Variants in CYB561 observed in about 807,000 individuals in gnomAD.
CYB561 encodes transmembrane ascorbate-dependent reductase CYB561.
In CYB561, 11 loss-of-function variants were observed where a neutral mutation model predicts 25.3. The ratio of observed to expected loss-of-function variants is 0.44; its 90% CI spans 0.27 to 0.72. The LOEUF (loss-of-function observed/expected upper bound fraction) is 0.72. Among genes scored for constraint, CYB561 ranks in the 30% least tolerant of loss-of-function variants. The probability of loss-of-function intolerance (pLI) is 0.18; values close to 1 mark genes in which losing one functional copy is unlikely to be tolerated. For synonymous variants in CYB561, 165 were observed against 158.8 expected, an observed-to-expected ratio of 1.04 and a Z score of -0.29; for missense variants, 295 against 334.9, an observed-to-expected ratio of 0.88 and a Z score of 0.93.
chr17:63,435,420 C>T, intron 4 of CYB561, 177 bp from the exon 5 acceptor site: 1 of 711,580 alleles, frequency 1.4e-6, no homozygotes. Flanking sequence ...GGACAAGGGA[C>T]CGGTCCCCCA....
chr17:63,444,551 AGGTTTG>A (rs1462811633), intron 1 of CYB561, among the ~76,000 whole-genome samples: 1 of 152,122 alleles, frequency 6.6e-6, no homozygotes, highest in South Asian at 2.1e-4. Flanking sequence ...CTGACACATG[AGGTTTG>A]GGGCCACAGA....
intron 1 of CYB561, among the ~76,000 whole-genome samples, chr17:63,438,483 C>G (rs62075017): frequency 6.6e-6 from 1 of 151,148 alleles, no homozygotes; most frequent in Non-Finnish European, 1.5e-5. Flanking sequence ...CCCCGCTCCC[C>G]GCCCGGCCGC....
intron 1 of CYB561, chr17:63,442,772 C>T (rs1159556935): frequency 6.6e-6 from 1 of 152,270 alleles, no homozygotes; most frequent in African/African-American, 2.4e-5. Context: ...ACTCACCCTA[C>T]CTGCAGCCAG....
intron 4 of CYB561, 30 bp downstream of exon 4, chr17:63,435,658 C>T: frequency 1.3e-6 from 2 of 1,581,214 alleles, no homozygotes; most frequent in Non-Finnish European, 1.7e-6. Context: ...TGGTAGGTGG[C>T]CCCAGGCCCG....
Position 63,437,440 on chromosome 17 carries a change from C to T in CYB561, c.108G>A (p.Gly36=). ...TLVAMTGAWL[G]LYRGGIAWES... The stretch of plus-strand genomic sequence containing the variant: ...CCCAGGCAATGCCGCCTCGGTACAG[C>T]CCGAGCCACGCGCCGGTCATGGCCA... The change falls in exon 2 of 6, where the codon GGG becomes GGA. Residue 36 remains glycine (G), a synonymous_variant. Coordinates refer to ENST00000360793, the MANE Select transcript of CYB561 (RefSeq NM_001915.4). 1 of 1,614,008 alleles carries T rather than the reference C, an allele frequency of 6.2e-7. No homozygotes were observed. The highest frequency in any genetic ancestry group is 8.5e-7 in the Non-Finnish European group (1 of 1,179,970).
Position 63,436,209 on chromosome 17 carries a change from C to A in CYB561, c.203-57G>T. The A allele has an allele frequency of 6.3e-7, 1 of 1,584,640 alleles. No individual in the cohort carries two copies. The highest frequency in any genetic ancestry group is 2.3e-5 in the East Asian group (1 of 44,138). On this transcript the variant is annotated intron_variant, in intron 2 of 5. Coordinates refer to ENST00000360793, the MANE Select transcript of CYB561 (RefSeq NM_001915.4). The surrounding 1 kb of genome is among the most constrained non-coding windows in gnomAD (Gnocchi z 4.8). ...ATCCGCCTGTGCGTGAGGCCTCCTG[C>A]CCCAGCAGCAAGGAGGCACCTTGGT...
chr17:63,437,358 G>A lies in CYB561; in HGVS notation c.190C>T (p.Leu64=), dbSNP rs1023882578. The A allele has an allele frequency of 6.2e-6, 10 of 1,613,120 alleles. No homozygotes were observed. In the African/African-American group the frequency reaches 1.1e-4, roughly 17 times the overall value. The change falls in exon 2 of 6, where the codon CTG becomes TTG. Residue 64 remains leucine, a synonymous_variant. Transcript: ENST00000360793. The part of the protein sequence containing the change: ...PLCMVIGLIF[L]QGNALLVYRV... ...CCATGGGACTCACCATTTCCCTGCAGGAAGATCAGGCCTATGACCATGCAG... is the reference window on the plus strand; with the variant it reads ...CCATGGGACTCACCATTTCCCTGCAAGAAGATCAGGCCTATGACCATGCAG...
intron 4 of CYB561, 148 bp from the exon 5 acceptor site, chr17:63,435,391 A>G: frequency 1.2e-6 from 1 of 823,868 alleles, no homozygotes; most frequent in Non-Finnish European, 1.9e-6. Context: ...CAGTGGTGGG[A>G]GGAGCACTAA....
At chr17:63,437,611 C>T in intron 1 of CYB561, 51 bp from the exon 2 acceptor site, 2 of 1,476,870 alleles carry the variant, frequency 1.4e-6, no homozygotes, top group Non-Finnish European at 1.8e-6. Context: ...CCCCGAGATG[C>T]GCACAGCCCC....
At chr17:63,442,082 C>A (rs905741329) in intron 1 of CYB561, among the ~76,000 whole-genome samples, 2 of 152,234 alleles carry the variant, frequency 1.3e-5, no homozygotes, top group African/African-American at 4.8e-5. Context: ...GGAATGACAG[C>A]AGCCTGCTTC....
At chr17:63,444,954 T>A (rs1331189078) in intron 1 of CYB561, among the ~76,000 whole-genome samples, 1 of 152,132 alleles carries the variant, frequency 6.6e-6, no homozygotes, top group Non-Finnish European at 1.5e-5. Context: ...GGCGGGCAGA[T>A]CACTTGAGGT....
rs1308374993 is a variant in CYB561, at chr17:63,434,561, G to A, written c.597C>T (p.Val199=). 1 of 1,612,298 alleles carries A rather than the reference G, an allele frequency of 6.2e-7. No homozygotes were observed. Among genetic ancestry groups the A allele is most frequent in the South Asian group, 1.1e-5 (1 of 91,058 alleles). The change falls in exon 6 of 6, where the codon GTC becomes GTT. Residue 199 remains valine (V), a synonymous_variant. Transcript: ENST00000360793. ...GKYSAFEPEG[V]LANVLGLLLA... is the part of the protein sequence containing the mutation. ...GCAGCAGGCCCAGCACGTTGGCCAG[G>A]ACACCCTCGGGCTCAAATGCGCTAT...
chr17:63,436,129 T>C lies in CYB561; in HGVS notation c.226A>G (p.Arg76Gly), dbSNP rs751139682. ...TTGGTGGTGCGTTTAGCTTCGTTCC[T>C]GAAGACACGGTAAACCAGCAGGGCT... Reference protein sequence around the residue: ...GNALLVYRVFRNEAKRTTKVL... With the variant: ...GNALLVYRVFGNEAKRTTKVL... The change falls in exon 3 of 6, where the codon AGG becomes GGG. Residue 76 changes from arginine (R) to glycine (G), a missense_variant. Coordinates refer to ENST00000360793, the MANE Select transcript of CYB561 (RefSeq NM_001915.4). The surrounding 1 kb of genome is among the most constrained non-coding windows in gnomAD (Gnocchi z 4.8). The C allele has an allele frequency of 2.5e-6, 4 of 1,614,122 alleles. No individual in the cohort carries two copies. Among genetic ancestry groups the C allele is most frequent in the Non-Finnish European group, 3.4e-6 (4 of 1,179,968 alleles).
chr17:63,437,649 C>T (rs2049321202), intron 1 of CYB561, 89 bp from the exon 2 acceptor site: 4 of 854,168 alleles, frequency 4.7e-6, no homozygotes, highest in Non-Finnish European at 6.4e-6. Context: ...CCCCAAGATG[C>T]GCACAGGCCC....
At position 63,434,042 on chromosome 17, in the gene CYB561, TC is replaced by T; in HGVS notation, c.*359del. ...GCCTGTCCCTGAGGCCCCCCCAGTT[TC>T]CCCTGGCCTTGCCCCAGGCATCTGC... On this transcript the variant is annotated 3_prime_UTR_variant, in exon 6 of 6. Coordinates refer to ENST00000360793, the MANE Select transcript of CYB561 (RefSeq NM_001915.4). The T allele has an allele frequency of 3.9e-6, 1 of 256,384 alleles. No homozygotes were observed. Among genetic ancestry groups the T allele is most frequent in the African/African-American group, 2.2e-5 (1 of 45,442 alleles). The allele number at this position is 256,384 out of a possible 1,614,324, so 15.9% of individuals were successfully genotyped here.
chr17:63,437,735 C>G (rs2049324108), intron 1 of CYB561, 175 bp from the exon 2 acceptor site: 2 of 401,824 alleles, frequency 5.0e-6, no homozygotes, highest in Non-Finnish European at 4.4e-6. Context: ...ATATGCACAG[C>G]CCCCCCCGAA....
Position 63,435,449 on chromosome 17 carries a change from C to T in CYB561, c.406-206G>A, listed in dbSNP as rs1003640918. 19 of 680,906 alleles carry T rather than the reference C, an allele frequency of 2.8e-5. No homozygotes were observed. The African/African-American group carries it at 2.9e-4, about 10-fold the overall frequency. The allele number at this position is 680,906 out of a possible 1,614,324, so 42.2% of individuals were successfully genotyped here. A position where few individuals can be genotyped will look rare whatever the true frequency, so the allele number is the denominator to read the frequency against. The stretch of plus-strand genomic sequence containing the variant: ...TCCCCCAACGCTTGAGGCCTTGGCA[C>T]ACTCAGAAAGCTGGGCTTGTGGCCA... On this transcript the variant is annotated intron_variant, in intron 4 of 5. Transcript: ENST00000360793.
intron 1 of CYB561, among the ~76,000 whole-genome samples, chr17:63,441,087 T>C (rs2049370591): frequency 1.3e-5 from 2 of 152,332 alleles, no homozygotes; most frequent in African/African-American, 2.4e-5. Context: ...CCAGGCTCCC[T>C]GGAAGACAGT....
rs1393073011 is a variant in CYB561 at position 63,433,619 on chromosome 17, G to T, written c.*783C>A. On this transcript the variant is annotated 3_prime_UTR_variant, in exon 6 of 6. Transcript: ENST00000360793. Reference sequence around the variant, plus strand: ...AAACCAGAGCTGAGCCGCAAGGGGGGTGCTACAAGGAGGGAGCCCCAGCAG... The same window carrying T: ...AAACCAGAGCTGAGCCGCAAGGGGGTTGCTACAAGGAGGGAGCCCCAGCAG... 5 of 380,054 alleles carry T rather than the reference G, an allele frequency of 1.3e-5. No individual in the cohort carries two copies. Among genetic ancestry groups the T allele is most frequent in the East Asian group, 3.7e-5 (1 of 26,698 alleles). The allele number at this position is 380,054 out of a possible 1,614,324, so 23.5% of individuals were successfully genotyped here.
Sources: gnomAD v4.1 joint callset for allele counts (sites outside exome capture counted in the v4.1 genomes callset) on GRCh38, gnomAD v4.1.1 for gene constraint, Gnocchi (gnomAD v3.1) non-coding constraint, MANE v1.5 for transcripts, NCBI Gene and HGNC (gene_info 2026-07-23, HGNC 2026-07-21) for gene names.